Variants in GRM8 observed in about 807,000 individuals in gnomAD.
GRM8 encodes the protein glutamate metabotropic receptor 8.
Under a neutral mutation model 87.2 loss-of-function variants are expected in GRM8, and 47 were observed. The ratio of observed to expected loss-of-function variants is 0.54; its 90% CI spans 0.43 to 0.69. GRM8 has a LOEUF of 0.69. GRM8 is among the 30% of genes least tolerant of loss of function. The probability of loss-of-function intolerance (pLI) is 0.00; values close to 1 mark genes in which losing one functional copy is unlikely to be tolerated. For missense variants in GRM8, 1,019 were observed against 1,139.2 expected (o/e 0.89, Z 1.52); for synonymous variants, 396 against 404.5 (o/e 0.98, Z 0.25).
chr7:126,553,939 A>G (rs528434274), intron 8 of GRM8, among the ~76,000 whole-genome samples: 100 of 152,300 alleles, frequency 6.6e-4, no homozygotes, highest in African/African-American at 2.2e-3. Flanking sequence ...ATTGCAAAAG[A>G]TACAAAATGG....
chr7:126,864,256 T>C (rs550359729), intron 6 of GRM8, among the ~76,000 whole-genome samples: 1 of 152,268 alleles, frequency 6.6e-6, no homozygotes, highest in African/African-American at 2.4e-5. Flanking sequence ...GGCCTGGTTG[T>C]TCCTTCAGTC....
In GRM8 at chr7:126,533,072, C is replaced by G; in HGVS notation, c.2310G>C (p.Thr770=). 6.2e-7 allele frequency: 1 copy of G among 1,613,248 alleles called. No homozygotes were observed. Among genetic ancestry groups the G allele is most frequent in the Non-Finnish European group, 8.5e-7 (1 of 1,179,656 alleles). The change falls in exon 9 of 11, where the codon ACG becomes ACC. Residue 770 remains threonine, a synonymous_variant. Coordinates refer to ENST00000339582, the MANE Select transcript of GRM8 (RefSeq NM_000845.3). Reference sequence around the variant, plus strand: ...CATTGAAAGTCTCTGGGACACCTCTCGTTTTAATGGCATAAACAGTACAAG... The same window carrying G: ...CATTGAAAGTCTCTGGGACACCTCTGGTTTTAATGGCATAAACAGTACAAG... ...MVTCTVYAIK[T]RGVPETFNEA...
At chr7:126,485,838 T>C (rs1176125004) in intron 9 of GRM8, among the ~76,000 whole-genome samples, 3 of 151,890 alleles carry the variant, frequency 2.0e-5, no homozygotes, top group African/African-American at 7.2e-5. Context: ...TTATACTCCC[T>C]CCTTTTTGCA....
At position 126,532,952 on chromosome 7, in the gene GRM8, C is replaced by G; in HGVS notation, c.2430G>C (p.Lys810Asn). 2 of 1,591,430 alleles carry G rather than the reference C, an allele frequency of 1.3e-6. No homozygotes were observed. Among genetic ancestry groups the G allele is most frequent in the Non-Finnish European group, 1.7e-6 (2 of 1,165,926 alleles). ...IFFGTAQSAEKMYIQTTTLTV... is the reference protein window; with the variant it reads ...IFFGTAQSAENMYIQTTTLTV... ...GTCAAGTGTATTTCCTTCTACTTACCTTTTCTGCTGACTGGGCTGTACCAA... is the reference window on the plus strand; with the variant it reads ...GTCAAGTGTATTTCCTTCTACTTACGTTTTCTGCTGACTGGGCTGTACCAA... Residue 810 changes from lysine (K) to asparagine (N), a missense_variant and splice_region_variant, in exon 9 of 11, where the codon AAG becomes AAC. By Grantham distance (94) the Lys-to-Asn change is moderately conservative. Coordinates refer to ENST00000339582, the MANE Select transcript of GRM8 (RefSeq NM_000845.3).
At chr7:126,896,843 T>A (rs1482531490) in intron 6 of GRM8, among the ~76,000 whole-genome samples, 2 of 152,138 alleles carry the variant, frequency 1.3e-5, no homozygotes, top group East Asian at 3.9e-4. Context: ...TAAGCAGCAG[T>A]GCCCCAGTCT....
chr7:126,822,145 A>T (rs1794352187), intron 6 of GRM8, among the ~76,000 whole-genome samples: 2 of 152,132 alleles, frequency 1.3e-5, no homozygotes, highest in Non-Finnish European at 2.9e-5. Flanking sequence ...AGTGTTTTGT[A>T]AGAATTATAT....
chr7:126,485,802 C>T (rs1032680638), intron 9 of GRM8, among the ~76,000 whole-genome samples: 4 of 152,000 alleles, frequency 2.6e-5, no homozygotes, highest in African/African-American at 9.6e-5. Context: ...GAGTTCCTGG[C>T]CAAGACAGAA....
chr7:126,872,327 A>G (rs996278631), intron 6 of GRM8, among the ~76,000 whole-genome samples: 8 of 152,260 alleles, frequency 5.3e-5, no homozygotes, highest in Non-Finnish European at 8.8e-5. Flanking sequence ...TGGAGGACAC[A>G]TGCTTAGAAC....
intron 3 of GRM8, among the ~76,000 whole-genome samples, chr7:126,907,260 A>ATGG (rs1406500870): frequency 2.3e-4 from 24 of 102,772 alleles, no homozygotes; most frequent in African/African-American, 8.4e-4. Context: ...GGAGTAAGAG[A>ATGG]AAGGAGGAGG....
At chr7:126,509,367 C>A (rs1475646907) in intron 9 of GRM8, among the ~76,000 whole-genome samples, 1 of 151,868 alleles carries the variant, frequency 6.6e-6, no homozygotes, top group Non-Finnish European at 1.5e-5. Flanking sequence ...TTTTGAGATT[C>A]AGAAACTATA....
Position 126,798,433 on chromosome 7 carries a change from T to A in GRM8, c.1157-28368A>T, listed in dbSNP as rs192260619. 1.3e-4 allele frequency among the ~76,000 whole-genome samples: 20 copies of A among 152,214 alleles called. No individual in the cohort carries two copies. The East Asian group carries it at 3.1e-3, about 24-fold the overall frequency. On this transcript the variant is annotated intron_variant, in intron 6 of 10. Transcript: ENST00000339582. ...TAGAGAAGGGAGGAAGACATGGCCA[T>A]GGCCACCTCATAGTGATAGGGGTGC...
intron 6 of GRM8, among the ~76,000 whole-genome samples, chr7:126,849,378 A>G (rs1586184180): frequency 6.6e-6 from 1 of 152,180 alleles, no homozygotes; most frequent in Non-Finnish European, 1.5e-5. Context: ...AAAAAAGAGG[A>G]ACTGAGAAGA....
chr7:127,038,289 A>T (rs141460967), intron 3 of GRM8, among the ~76,000 whole-genome samples: 53 of 152,356 alleles, frequency 3.5e-4, no homozygotes, highest in Non-Finnish European at 7.1e-4. Context: ...GCCACTGAAG[A>T]AAAATATAAG....
intron 3 of GRM8, among the ~76,000 whole-genome samples, chr7:126,913,765 C>T (rs1387769039): frequency 1.3e-5 from 2 of 152,152 alleles, no homozygotes; most frequent in African/African-American, 4.8e-5. Context: ...AATATTTTCG[C>T]CTCCTCATGT....
At chr7:127,165,190 A>G (rs1347931098) in intron 2 of GRM8, among the ~76,000 whole-genome samples, 16 of 105,720 alleles carry the variant, frequency 1.5e-4, no homozygotes, top group African/African-American at 5.1e-4. Context: ...ATATATATAT[A>G]TATTCAGGTT....
chr7:126,874,385 C>T (rs546650747), intron 6 of GRM8, among the ~76,000 whole-genome samples: 1 of 152,124 alleles, frequency 6.6e-6, no homozygotes, highest in East Asian at 1.9e-4. Flanking sequence ...ATTTTACAAA[C>T]GAAGAGGCTC....
chr7:126,556,704 G>T (rs1585044494), intron 8 of GRM8, among the ~76,000 whole-genome samples: 1 of 152,000 alleles, frequency 6.6e-6, no homozygotes, highest in African/African-American at 2.4e-5. Context: ...TCTTTTTCAC[G>T]AGAGAACCTC....
chr7:126,756,890 A>G (rs1817069751), intron 7 of GRM8, among the ~76,000 whole-genome samples: 1 of 152,140 alleles, frequency 6.6e-6, no homozygotes, highest in African/African-American at 2.4e-5. Context: ...AATGAAGTTT[A>G]TTATTTAAAA....
chr7:126,957,197 A>C (rs967121332), intron 3 of GRM8, among the ~76,000 whole-genome samples: 1 of 152,238 alleles, frequency 6.6e-6, no homozygotes, highest in African/African-American at 2.4e-5. Flanking sequence ...GTTAAAAAAA[A>C]AATTAATAAG....
Sources: allele counts gnomAD v4.1 joint callset (sites outside exome capture counted in the v4.1 genomes callset), GRCh38; gene constraint gnomAD v4.1.1; transcripts MANE v1.5; gene names NCBI Gene and HGNC (gene_info 2026-07-23, HGNC 2026-07-21).